AGAP2: variants seen among roughly 807,000 people sequenced by gnomAD.
AGAP2 encodes arf-GAP with GTPase, ANK repeat and PH domain-containing protein 2.
AGAP2 carries 32 observed loss-of-function variants against 110.9 expected under a neutral mutation model. The observed-to-expected ratio is 0.29, with a 90% CI of 0.22 to 0.39. The LOEUF (loss-of-function observed/expected upper bound fraction) is 0.39. Ranked by LOEUF, AGAP2 falls within the 10% of genes least tolerant of loss-of-function variation. AGAP2 has a pLI of 1.00. For missense variants in AGAP2, 1,285 were observed against 1,638.5 expected, an observed-to-expected ratio of 0.78 and a Z score of 3.72; for synonymous variants, 702 against 713.0, an observed-to-expected ratio of 0.98 and a Z score of 0.25.
Position 57,726,450 on chromosome 12 carries a change from G to T in AGAP2, c.*102C>A. The T allele has an allele frequency of 9.2e-7, 1 of 1,088,112 alleles. No individual in the cohort carries two copies. The highest frequency in any genetic ancestry group is 1.1e-6 in the Non-Finnish European group (1 of 885,718). The allele number at this position is 1,088,112 out of a possible 1,614,324, so 67.4% of individuals were successfully genotyped here. A position where few individuals can be genotyped will look rare whatever the true frequency, so the allele number is the denominator to read the frequency against. On this transcript the variant is annotated 3_prime_UTR_variant, in exon 19 of 19. Coordinates refer to ENST00000547588, the MANE Select transcript of AGAP2 (RefSeq NM_001122772.3). The surrounding 1 kb of genome is among the most constrained non-coding windows in gnomAD (Gnocchi z 5.7). Reference sequence around the variant, plus strand: ...GGTAGGAAGTGCTCCCGTGGGGCGGGGTGCGGATCGGAGAGGTGAGTGGGT... The same window carrying T: ...GGTAGGAAGTGCTCCCGTGGGGCGGTGTGCGGATCGGAGAGGTGAGTGGGT...
At chr12:57,731,731 G>C in intron 8 of AGAP2, 78 bp downstream of exon 8, 1 of 1,589,624 alleles carries the variant, frequency 6.3e-7, no homozygotes, top group South Asian at 1.1e-5. Context: ...GGGCCCAACA[G>C]AGGAGTCTAG....
intron 1 of AGAP2, among the ~76,000 whole-genome samples, chr12:57,735,647 G>A (rs1271986699): frequency 3.9e-5 from 6 of 152,208 alleles, no homozygotes; most frequent in Non-Finnish European, 5.9e-5. Context: ...CTTAGCAACG[G>A]AGCTAGCAAG....
chr12:57,734,415 G>A lies in AGAP2; in HGVS notation c.1316-11C>T, dbSNP rs770552893. The A allele has an allele frequency of 3.1e-6, 5 of 1,614,034 alleles. No individual in the cohort carries two copies. The highest frequency in any genetic ancestry group is 4.2e-6 in the Non-Finnish European group (5 of 1,179,880). ...TCTTGTACTGCTCACCTGTCCAGAA[G>A]AGTTGGAAGGGGTAACAGGTCAGAG... On this transcript the variant is annotated splice_polypyrimidine_tract_variant and intron_variant, in intron 3 of 18. Coordinates refer to ENST00000547588, the MANE Select transcript of AGAP2 (RefSeq NM_001122772.3).
At position 57,730,811 on chromosome 12, in the gene AGAP2, A is replaced by G; in HGVS notation, c.2288T>C (p.Val763Ala). 1.2e-6 allele frequency: 2 copies of G among 1,614,004 alleles called. No individual in the cohort carries two copies. The highest frequency in any genetic ancestry group is 1.7e-6 in the Non-Finnish European group (2 of 1,180,008). The change falls in exon 11 of 19, where the codon GTC becomes GCC. Residue 763 changes from valine (V) to alanine (A), a missense_variant. By Grantham distance (64) the Val-to-Ala change is moderately conservative (BLOSUM62 0). Around this residue, in one of 7 missense-constraint regions of AGAP2, gnomAD observed 135 missense variants for 182.0 expected, o/e 0.74. Coordinates refer to ENST00000547588, the MANE Select transcript of AGAP2 (RefSeq NM_001122772.3). ...CTCACCCAGGCCTTCACCCATCTGGACAGTGCTCATGTCCTTGACGAGCCC... is the reference window on the plus strand; with the variant it reads ...CTCACCCAGGCCTTCACCCATCTGGGCAGTGCTCATGTCCTTGACGAGCCC... ...INGLVKDMSTVQMGEGLEATT... is the reference protein window; with the variant it reads ...INGLVKDMSTAQMGEGLEATT...
Position 57,737,573 on chromosome 12 carries a change from T to TA in AGAP2, c.673_674insT (p.Lys225IlefsTer50). ...CGAAGCTCCAGTCCCGGCGCTGCTC[T>TA]TTGACCCCTTGACCCTGGGCTTGCC... On this transcript the variant is annotated frameshift_variant, in exon 1 of 19. Coordinates refer to ENST00000547588, the MANE Select transcript of AGAP2 (RefSeq NM_001122772.3). LOFTEE classifies it high-confidence loss of function. The surrounding 1 kb of genome is among the most constrained non-coding windows in gnomAD (Gnocchi z 5.9). The TA allele has an allele frequency of 6.5e-7, 1 of 1,549,100 alleles. No homozygotes were observed. The highest frequency in any genetic ancestry group is 8.7e-7 in the Non-Finnish European group (1 of 1,147,174).
Position 57,737,503 on chromosome 12 carries a change from A to G in AGAP2, c.744T>C (p.Ser248=). ...ATAAAAGGGG[S]TASTSGGVGA... ...CGACCCCACCAGAGGTCGAAGCTGTAGAGCCCCCTCCCCCGGCGGCGGCGG... is the reference window on the plus strand; with the variant it reads ...CGACCCCACCAGAGGTCGAAGCTGTGGAGCCCCCTCCCCCGGCGGCGGCGG... The change falls in exon 1 of 19, where the codon TCT becomes TCC. Residue 248 remains serine, a synonymous_variant. Coordinates refer to ENST00000547588, the MANE Select transcript of AGAP2 (RefSeq NM_001122772.3). The surrounding 1 kb of genome is among the most constrained non-coding windows in gnomAD (Gnocchi z 5.9). 2 of 1,598,338 alleles carry G rather than the reference A, an allele frequency of 1.3e-6. No individual in the cohort carries two copies. Among genetic ancestry groups the G allele is most frequent in the East Asian group, 4.5e-5 (2 of 44,270 alleles).
In AGAP2 at chr12:57,738,044, C is replaced by T. The variant is rs1318493034; in HGVS notation, c.203G>A (p.Arg68His). ...CAGCGCATCCTGCCGGTGGAAGAGA[C>T]GTTCGTGCCGCTTCTTGCCCGGCTC... ...AEEPGKKRHE[R>H]LFHRQDALWI... Residue 68 changes from arginine (R) to histidine (H), a missense_variant, in exon 1 of 19, where the codon CGT becomes CAT. By Grantham distance (29) the Arg-to-His change is conservative. Coordinates refer to ENST00000547588, the MANE Select transcript of AGAP2 (RefSeq NM_001122772.3). The surrounding 1 kb of genome is among the most constrained non-coding windows in gnomAD (Gnocchi z 6.7). 1.3e-6 allele frequency: 2 copies of T among 1,521,678 alleles called. No homozygotes were observed. Among genetic ancestry groups the T allele is most frequent in the Admixed American group, 2.0e-5 (1 of 50,084 alleles). The allele number at this position is 1,521,678 out of a possible 1,614,324, so 94.3% of individuals were successfully genotyped here.
At chr12:57,735,284 A>G in intron 2 of AGAP2, 85 bp downstream of exon 2, 1 of 1,249,668 alleles carries the variant, frequency 8.0e-7, no homozygotes, top group Non-Finnish European at 1.2e-6. Flanking sequence ...AGAGAGAGAG[A>G]GAAGGAGAGG....
chr12:57,736,313 A>G (rs1954981092), intron 1 of AGAP2, among the ~76,000 whole-genome samples: 1 of 152,104 alleles, frequency 6.6e-6, no homozygotes, highest in Admixed American at 6.5e-5. Flanking sequence ...AGTAATAATA[A>G]TAGACACCCT....
At chr12:57,733,584 A>G (rs939408322) in intron 5 of AGAP2, among the ~76,000 whole-genome samples, 1 of 152,116 alleles carries the variant, frequency 6.6e-6, no homozygotes, top group African/African-American at 2.4e-5. Flanking sequence ...TCTTCTTTTC[A>G]TCATCATTTC....
Position 57,732,825 on chromosome 12 carries a change from C to T in AGAP2, c.1684+20G>A, listed in dbSNP as rs754518704. The stretch of plus-strand genomic sequence containing the variant: ...CCCTTGCTCTGGCTTCCCACATATG[C>T]TGGAGATCACTACACTCACCCTCCT... On this transcript the variant is annotated intron_variant, in intron 6 of 18. Transcript: ENST00000547588. 1 of 1,613,576 alleles carries T rather than the reference C, an allele frequency of 6.2e-7. No individual in the cohort carries two copies. The highest frequency in any genetic ancestry group is 1.1e-5 in the South Asian group (1 of 91,066).
At position 57,738,123 on chromosome 12, in the gene AGAP2, C is replaced by A; in HGVS notation, c.124G>T (p.Ala42Ser). 1 of 1,519,924 alleles carries A rather than the reference C, an allele frequency of 6.6e-7. No individual in the cohort carries two copies. The highest frequency in any genetic ancestry group is 8.8e-7 in the Non-Finnish European group (1 of 1,139,314). 94.2% of individuals were successfully genotyped at this position (1,519,924 alleles called of 1,614,324 possible). Residue 42 changes from alanine (A) to serine (S), a missense_variant, in exon 1 of 19, where the codon GCC becomes TCC. Physicochemically the swap from Ala to Ser is moderately conservative, Grantham distance 99. Around this residue, in one of 7 missense-constraint regions of AGAP2, gnomAD observed 844 missense variants for 941.2 expected, o/e 0.90. Transcript: ENST00000547588. The surrounding 1 kb of genome is among the most constrained non-coding windows in gnomAD (Gnocchi z 6.7). ...PSPSAAAAGA[A>S]GARGSETGDP... ...CCAGTCTCGGAGCCTCTGGCACCGG[C>A]GGCGCCGGCCGCGGCCGCAGACGGA... is the stretch of plus-strand genomic sequence containing the variant.
At position 57,725,325 on chromosome 12, in the gene AGAP2, C is replaced by T. The variant is rs1309399215; in HGVS notation, c.*1227G>A. 7.9e-6 allele frequency: 1 copy of T among 125,924 alleles called. No individual in the cohort carries two copies. The highest frequency in any genetic ancestry group is 1.6e-5 in the Non-Finnish European group (1 of 61,856). 7.8% of individuals were successfully genotyped at this position (125,924 alleles called of 1,614,324 possible). Reference sequence around the variant, plus strand: ...CCCCAATTACCTGGTCCTTTGCAAACTATTTTAGCCAGAAAAAAAAAAAAA... The same window carrying T: ...CCCCAATTACCTGGTCCTTTGCAAATTATTTTAGCCAGAAAAAAAAAAAAA... On this transcript the variant is annotated 3_prime_UTR_variant, in exon 19 of 19. Transcript: ENST00000547588.
In AGAP2 at chr12:57,726,621, C is replaced by T. The variant is rs781210255; in HGVS notation, c.3510G>A (p.Thr1170=). 1.7e-5 allele frequency: 20 copies of T among 1,200,994 alleles called. No homozygotes were observed. The East Asian group carries it at 5.7e-4, about 34-fold the overall frequency. 74.4% of individuals were successfully genotyped at this position (1,200,994 alleles called of 1,614,324 possible). Residue 1170 remains threonine (T), a synonymous_variant, in exon 19 of 19, where the codon ACG becomes ACA. Transcript: ENST00000547588. The surrounding 1 kb of genome is among the most constrained non-coding windows in gnomAD (Gnocchi z 5.7). ...SAATTPSITA[T]PSPRRRSSAA... ...CGCTGCTCCGGCGGCGGGGGCTGGG[C>T]GTGGCGGTGATGCTGGGCGTGGTGG...
intron 5 of AGAP2, among the ~76,000 whole-genome samples, 185 bp from the exon 6 acceptor site, chr12:57,733,164 T>C (rs563071735): frequency 6.6e-6 from 1 of 151,838 alleles, no homozygotes; most frequent in Non-Finnish European, 1.5e-5. Context: ...TGGGCCCAGT[T>C]CACACACCTA....
At chr12:57,725,173 A>G (rs1372335541), downstream of AGAP2, 1 of 152,750 alleles carries the variant, frequency 6.5e-6, no homozygotes, top group Non-Finnish European at 1.5e-5. Context: ...CCTGCCTCCA[A>G]GAACAGACCA....
In AGAP2 at chr12:57,726,667, G is replaced by A. The variant is rs1427871690; in HGVS notation, c.3464C>T (p.Ala1155Val). 1.7e-6 allele frequency: 2 copies of A among 1,209,476 alleles called. No individual in the cohort carries two copies. The highest frequency in any genetic ancestry group is 2.1e-6 in the Non-Finnish European group (2 of 973,228). 74.9% of individuals were successfully genotyped at this position (1,209,476 alleles called of 1,614,324 possible). ...GGTGGCCGCGCTGGGCGTGGTGGCCGCGCTGCCGCCCTCACCCGGGCAGCC... is the reference window on the plus strand; with the variant it reads ...GGTGGCCGCGCTGGGCGTGGTGGCCACGCTGCCGCCCTCACCCGGGCAGCC... The part of the protein sequence containing the change: ...QHGCPGEGGS[A>V]ATTPSAATTP... Residue 1155 changes from alanine to valine, a missense_variant, in exon 19 of 19, where the codon GCG becomes GTG. This residue lies in a region of AGAP2 where 201 missense variants were observed against 276.1 expected (regional missense o/e 0.73). Coordinates refer to ENST00000547588, the MANE Select transcript of AGAP2 (RefSeq NM_001122772.3). This position sits in a 1 kb window ranked among gnomAD's most constrained non-coding sequence, Gnocchi z 5.7.
intron 7 of AGAP2, 50 bp downstream of exon 7, chr12:57,732,353 C>A (rs751756344): frequency 6.0e-6 from 9 of 1,504,022 alleles, no homozygotes; most frequent in South Asian, 2.4e-5. Context: ...GGATCCCCAG[C>A]CCCTCTGCAT....
At chr12:57,738,851 C>G (rs1484117972), upstream of AGAP2, among the ~76,000 whole-genome samples, 2 of 138,460 alleles carry the variant, frequency 1.4e-5, no homozygotes, top group African/African-American at 5.5e-5. This position sits in a 1 kb window ranked among gnomAD's most constrained non-coding sequence, Gnocchi z 6.7. Flanking sequence ...TGGGAACCCA[C>G]GGGTCTGGGG....
Sources: allele counts gnomAD v4.1 joint callset (sites outside exome capture counted in the v4.1 genomes callset), GRCh38; gene constraint gnomAD v4.1.1; regional missense constraint gnomAD v4.1.1; non-coding constraint Gnocchi (gnomAD v3.1); transcripts MANE v1.5; gene names NCBI Gene and HGNC (gene_info 2026-07-23, HGNC 2026-07-21).